The following C1orf87 variants were observed in gnomAD, a reference collection of about 807,000 sequenced individuals.
C1orf87 encodes chromosome 1 open reading frame 87, also known as uncharacterized protein C1orf87.
Under a neutral mutation model 60.5 loss-of-function variants are expected in C1orf87, and 58 were observed. The ratio of observed to expected loss-of-function variants is 0.96; its 90% CI spans 0.78 to 1.19. The LOEUF is 1.19. Ranked by LOEUF, C1orf87 falls within the 50% of genes most tolerant of loss-of-function variation. C1orf87 has a pLI of 0.00. For missense variants in C1orf87, 673 were observed against 638.6 expected, an observed-to-expected ratio of 1.05 and a Z score of -0.58; for synonymous variants, 236 against 227.4, an observed-to-expected ratio of 1.04 and a Z score of -0.34.
intron 11 of C1orf87, among the ~76,000 whole-genome samples, chr1:59,997,121 G>A (rs1644968622): frequency 6.6e-6 from 1 of 152,124 alleles, no homozygotes. Flanking sequence ...GAAACAAAGA[G>A]CCCAGATGAA....
intron 8 of C1orf87, among the ~76,000 whole-genome samples, chr1:60,012,431 A>G (rs1445584471): frequency 2.0e-5 from 3 of 152,130 alleles, no homozygotes; most frequent in Non-Finnish European, 1.5e-5. Context: ...CCTGATTTGA[A>G]TGGTATAGGA....
intron 8 of C1orf87, among the ~76,000 whole-genome samples, chr1:60,015,333 TG>T (rs1200138391): frequency 6.6e-6 from 1 of 152,174 alleles, no homozygotes; most frequent in Non-Finnish European, 1.5e-5. Context: ...ACACTAAATC[TG>T]CTTCTGTCTT....
intron 9 of C1orf87, among the ~76,000 whole-genome samples, chr1:60,009,158 C>A (rs1016843074): frequency 6.6e-6 from 1 of 152,052 alleles, no homozygotes; most frequent in Non-Finnish European, 1.5e-5. Context: ...TAGATTAGGG[C>A]AGGCCCTACT....
At chr1:60,014,203 G>A (rs17119993) in intron 8 of C1orf87, among the ~76,000 whole-genome samples, 2,283 of 152,120 alleles carry the variant, frequency 0.015, 45 homozygotes, top group African/African-American at 0.052. Flanking sequence ...CAGAGTGCTC[G>A]GGCTGCACAA....
At chr1:59,995,042 G>C (rs929710534) in intron 11 of C1orf87, among the ~76,000 whole-genome samples, 2 of 152,128 alleles carry the variant, frequency 1.3e-5, no homozygotes, top group Admixed American at 1.3e-4. Flanking sequence ...GAGAAAACAG[G>C]CATAAATAGT....
At chr1:60,005,596 T>C (rs938371102) in intron 9 of C1orf87, among the ~76,000 whole-genome samples, 1 of 152,008 alleles carries the variant, frequency 6.6e-6, no homozygotes, top group Admixed American at 6.6e-5. Context: ...ATAAAGAGCA[T>C]TGGAGGAAAA....
chr1:59,996,917 C>T (rs1644967285), intron 11 of C1orf87, among the ~76,000 whole-genome samples: 1 of 152,022 alleles, frequency 6.6e-6, no homozygotes, highest in Non-Finnish European at 1.5e-5. Context: ...TAATAAGCCC[C>T]CAAATAAAAA....
chr1:60,034,818 A>C (rs2100289105), intron 6 of C1orf87, among the ~76,000 whole-genome samples: 1 of 152,222 alleles, frequency 6.6e-6, no homozygotes, highest in South Asian at 2.1e-4. Flanking sequence ...GTCTGCTCTA[A>C]GAGGTCAAGT....
chr1:60,064,900 T>C (rs1299883658), intron 2 of C1orf87, among the ~76,000 whole-genome samples: 1 of 93,712 alleles, frequency 1.1e-5, no homozygotes, highest in Non-Finnish European at 1.9e-5. Context: ...ATATATATTC[T>C]AAATATATAA....
intron 10 of C1orf87, among the ~76,000 whole-genome samples, chr1:59,998,333 C>A (rs1574292185): frequency 1.3e-5 from 2 of 152,052 alleles, no homozygotes; most frequent in African/African-American, 4.8e-5. Context: ...GAGGCTGGGG[C>A]CCAGAAAGTA....
chr1:60,003,186 T>C (rs1371917728), intron 9 of C1orf87, among the ~76,000 whole-genome samples: 2 of 146,938 alleles, frequency 1.4e-5, no homozygotes, highest in African/African-American at 2.5e-5. Context: ...ATGGATGAAA[T>C]TGGAAATCAT....
rs1339213497 is a variant in C1orf87, at chr1:60,008,416, T to G, written c.1192+1976A>C. Among the ~76,000 whole-genome samples the G allele has an allele frequency of 7.9e-5, 12 of 152,136 alleles. No individual in the cohort carries two copies. In the East Asian group the frequency reaches 2.3e-3, roughly 29 times the overall value. ...TCTGCTATTCCATATGCTATGGTCT[T>G]AATTGTGTATCCCCCACCCCAAATT... On this transcript the variant is annotated intron_variant, in intron 9 of 11. Transcript: ENST00000371201.
At chr1:60,051,594 A>T (rs905404690) in intron 3 of C1orf87, among the ~76,000 whole-genome samples, 20 of 152,166 alleles carry the variant, frequency 1.3e-4, no homozygotes, top group Admixed American at 1.2e-3. Flanking sequence ...TCATATCTGT[A>T]GATGTGAGCA....
At chr1:60,051,688 G>T (rs1645415499) in intron 3 of C1orf87, among the ~76,000 whole-genome samples, 1 of 152,204 alleles carries the variant, frequency 6.6e-6, no homozygotes, top group South Asian at 2.1e-4. Flanking sequence ...CCAATACAGA[G>T]AGAGAGCTTT....
At chr1:60,056,061 C>T (rs560734734) in intron 2 of C1orf87, among the ~76,000 whole-genome samples, 129 of 151,880 alleles carry the variant, frequency 8.5e-4, no homozygotes, top group African/African-American at 2.7e-3. Flanking sequence ...CTGGCCAATA[C>T]GGTGAAACCC....
At chr1:60,062,649 T>C (rs897931016) in intron 2 of C1orf87, among the ~76,000 whole-genome samples, 1 of 152,186 alleles carries the variant, frequency 6.6e-6, no homozygotes, top group Non-Finnish European at 1.5e-5. Flanking sequence ...CTAGGTCTAT[T>C]GCCAATTATT....
intron 2 of C1orf87, among the ~76,000 whole-genome samples, chr1:60,064,711 T>A (rs1354648818): frequency 4.9e-5 from 5 of 101,118 alleles, no homozygotes; most frequent in African/African-American, 2.0e-4. Context: ...TATTTCAATA[T>A]ATATAAATAT....
chr1:60,047,677 AT>A (rs539795324), intron 3 of C1orf87, among the ~76,000 whole-genome samples: 1 of 151,520 alleles, frequency 6.6e-6, no homozygotes, highest in Non-Finnish European at 1.5e-5. Context: ...GTTTTATGTA[AT>A]TTTATTAATA....
intron 11 of C1orf87, among the ~76,000 whole-genome samples, chr1:59,991,402 C>A (rs890285611): frequency 2.0e-5 from 3 of 152,204 alleles, no homozygotes; most frequent in Non-Finnish European, 4.4e-5. Context: ...TGCATGTAAC[C>A]TATACACATT....
Sources: allele counts gnomAD v4.1 joint callset (sites outside exome capture counted in the v4.1 genomes callset), GRCh38; gene constraint gnomAD v4.1.1; transcripts MANE v1.5; gene names NCBI Gene and HGNC (gene_info 2026-07-23, HGNC 2026-07-21).